The following CASP6 variants were observed in gnomAD, a reference collection of about 807,000 sequenced individuals.
CASP6 encodes caspase 6.
A neutral mutation model predicts 31.8 loss-of-function variants in CASP6; 20 were observed. That is an observed-to-expected ratio of 0.63 (90% confidence interval 0.44 to 0.91). CASP6 has a LOEUF of 0.91. CASP6 is among the 40% of genes least tolerant of loss of function. The pLI is 0.00. For synonymous variants in CASP6, 130 were observed against 127.8 expected (o/e 1.02, Z -0.12); for missense variants, 328 against 361.1 (o/e 0.91, Z 0.74).
chr4:109,684,040 G>A (rs1729775841), downstream of CASP6, among the ~76,000 whole-genome samples: 1 of 151,370 alleles, frequency 6.6e-6, no homozygotes. Context: ...ATGCAGATGT[G>A]CATTTGTTCA....
At chr4:109,706,001 A>AAT (rs58700813), upstream of CASP6, among the ~76,000 whole-genome samples, 1,516 of 31,566 alleles carry the variant, frequency 0.048, 43 homozygotes, top group South Asian at 0.073. Flanking sequence ...AAAAAAAAAA[A>AAT]ATATATATAT....
chr4:109,703,648 T>C, upstream of CASP6: 5 of 547,618 alleles, frequency 9.1e-6, no homozygotes, highest in East Asian at 1.6e-4. Context: ...TACGCGGTCT[T>C]CGCCTCCAGG....
the CASP6 span, among the ~76,000 whole-genome samples, chr4:109,681,658 C>G: frequency 6.6e-6 from 1 of 152,184 alleles, no homozygotes; most frequent in Admixed American, 6.5e-5. Flanking sequence ...TAGGACAAAC[C>G]CAGGCACTTA....
In CASP6 at chr4:109,703,333, C is replaced by G. The variant is rs187492847; in HGVS notation, c.40+23G>C. The G allele has an allele frequency of 3.7e-4, 593 of 1,602,794 alleles. 2 individuals are homozygous for G. The African/African-American group carries it at 7.1e-3, about 19-fold the overall frequency. On this transcript the variant is annotated intron_variant, in intron 1 of 6. Coordinates refer to ENST00000265164, the MANE Select transcript of CASP6 (RefSeq NM_001226.4). ...GAGCAAGACGCAGACCTGCTCGGTG[C>G]CCAGTCGACGCCCCCTGCCTACCTG... is the stretch of plus-strand genomic sequence containing the variant.
rs1489494610 is a variant in CASP6 at position 109,688,688 on chromosome 4, AC to A, written c.*641del. 3.3e-5 allele frequency: 5 copies of A among 152,134 alleles called. No individual in the cohort carries two copies. The highest frequency in any genetic ancestry group is 3.3e-4 in the Admixed American group (5 of 15,272). The allele number at this position is 152,134 out of a possible 1,614,324, so 9.4% of individuals were successfully genotyped here. On this transcript the variant is annotated 3_prime_UTR_variant, in exon 7 of 7. Coordinates refer to ENST00000265164, the MANE Select transcript of CASP6 (RefSeq NM_001226.4). ...TCCTGGATTTCAAAAACCTTTAAAAACATCAAACAATAAACTTTTATAAAAA... is the reference window on the plus strand; with the variant it reads ...TCCTGGATTTCAAAAACCTTTAAAAAATCAAACAATAAACTTTTATAAAAA...
chr4:109,700,185 TAA>T (rs1292693086), intron 1 of CASP6, among the ~76,000 whole-genome samples: 1 of 152,216 alleles, frequency 6.6e-6, no homozygotes. Flanking sequence ...CTTGGGTCTT[TAA>T]AACTCTTGTT....
the CASP6 span, among the ~76,000 whole-genome samples, chr4:109,677,635 G>A: frequency 2.0e-5 from 3 of 151,904 alleles, no homozygotes; most frequent in Non-Finnish European, 4.4e-5. Flanking sequence ...TCTTGGCAGT[G>A]GGTTCCTTAA....
At chr4:109,702,318 G>A (rs971948184) in intron 1 of CASP6, among the ~76,000 whole-genome samples, 1 of 151,546 alleles carries the variant, frequency 6.6e-6, no homozygotes, top group Non-Finnish European at 1.5e-5. Context: ...AACTGCAGGC[G>A]TTTCGTTCTT....
rs143149647 is a variant in CASP6 at position 109,693,616 on chromosome 4, C to T, written c.483+909G>A. 8.4e-3 allele frequency among the ~76,000 whole-genome samples: 1,197 copies of T among 142,502 alleles called. 13 individuals are homozygous for T. Among genetic ancestry groups the T allele is most frequent in the African/African-American group, 0.029 (1,090 of 37,664 alleles). 93.5% of individuals were successfully genotyped at this position (142,502 alleles called of 152,430 possible). On this transcript the variant is annotated intron_variant, in intron 5 of 6. Coordinates refer to ENST00000265164, the MANE Select transcript of CASP6 (RefSeq NM_001226.4). ...GTGGGAGAATAATTGAACCTGGGGG[C>T]GGAGGTTGCAGTGAGCCGAGATTGC...
At chr4:109,675,223 T>C in the CASP6 span, among the ~76,000 whole-genome samples, 1 of 152,276 alleles carries the variant, frequency 6.6e-6, no homozygotes, top group African/African-American at 2.4e-5. Flanking sequence ...CCCATGCTTC[T>C]GAAAGAGCAG....
At position 109,688,708 on chromosome 4, in the gene CASP6, A is replaced by G. The variant is rs961921437; in HGVS notation, c.*622T>C. The G allele has an allele frequency of 6.6e-6, 1 of 152,222 alleles. No homozygotes were observed. Among genetic ancestry groups the G allele is most frequent in the Non-Finnish European group, 1.5e-5 (1 of 68,030 alleles). 9.4% of individuals were successfully genotyped at this position (152,222 alleles called of 1,614,324 possible). ...TAAAAACATCAAACAATAAACTTTTATAAAAAAGTGACAAAATACAAGTTA... is the reference window on the plus strand; with the variant it reads ...TAAAAACATCAAACAATAAACTTTTGTAAAAAAGTGACAAAATACAAGTTA... On this transcript the variant is annotated 3_prime_UTR_variant, in exon 7 of 7. Transcript: ENST00000265164.
chr4:109,688,720 C>CTT lies in CASP6; in HGVS notation c.*609_*610insAA, dbSNP rs1252555811. The CTT allele has an allele frequency of 1.3e-5, 2 of 152,042 alleles. No homozygotes were observed. Among genetic ancestry groups the CTT allele is most frequent in the African/African-American group, 4.8e-5 (2 of 41,382 alleles). The allele number at this position is 152,042 out of a possible 1,614,324, so 9.4% of individuals were successfully genotyped here. On this transcript the variant is annotated 3_prime_UTR_variant, in exon 7 of 7. Transcript: ENST00000265164. ...ACAATAAACTTTTATAAAAAAGTGA[C>CTT]AAAATACAAGTTAAATCAGCTAGAT... is the stretch of plus-strand genomic sequence containing the variant.
downstream of CASP6, chr4:109,687,557 C>T: frequency 6.2e-7 from 1 of 1,612,080 alleles, no homozygotes. Context: ...TCTCTGTTTG[C>T]AAATGCAAGT....
intron 1 of CASP6, among the ~76,000 whole-genome samples, chr4:109,699,952 ATCC>A (rs1382045880): frequency 6.6e-6 from 1 of 152,180 alleles, no homozygotes; most frequent in Non-Finnish European, 1.5e-5. Context: ...TGTCACAACC[ATCC>A]TCCTCACATG....
the CASP6 span, chr4:109,673,900 C>G: frequency 1.3e-6 from 1 of 776,060 alleles, no homozygotes; most frequent in South Asian, 1.3e-5. Flanking sequence ...GGGATCCAAA[C>G]TTATTCGAAA....
At chr4:109,703,599 G>T (rs1473744758), upstream of CASP6, 2 of 623,082 alleles carry the variant, frequency 3.2e-6, no homozygotes, top group Admixed American at 3.2e-5. Context: ...CAGTCGCTCC[G>T]GAGCCCGCGG....
At position 109,688,638 on chromosome 4, in the gene CASP6, ATATTT is replaced by A. The variant is rs1365701610; in HGVS notation, c.*687_*691del. ...AAATGTAATAAAATATGAATTTCGAATATTTTATTAAGGGATGATTTAATTCCTGG... is the reference window on the plus strand; with the variant it reads ...AAATGTAATAAAATATGAATTTCGAATATTAAGGGATGATTTAATTCCTGG... On this transcript the variant is annotated 3_prime_UTR_variant, in exon 7 of 7. Coordinates refer to ENST00000265164, the MANE Select transcript of CASP6 (RefSeq NM_001226.4). 1 of 152,224 alleles carries A rather than the reference ATATTT, an allele frequency of 6.6e-6. No individual in the cohort carries two copies. Among genetic ancestry groups the A allele is most frequent in the Admixed American group, 6.5e-5 (1 of 15,286 alleles). 9.4% of individuals were successfully genotyped at this position (152,224 alleles called of 1,614,324 possible).
In CASP6 at chr4:109,690,940, A is replaced by G. The variant is rs769876725; in HGVS notation, c.553T>C (p.Leu185=). 41 of 1,613,700 alleles carry G rather than the reference A, an allele frequency of 2.5e-5. No individual in the cohort carries two copies. The highest frequency in any genetic ancestry group is 1.3e-4 in the Admixed American group (8 of 59,968). ...LDVVDNQTEK[L]DTNITEVDAA... is the part of the protein sequence containing the mutation. The stretch of plus-strand genomic sequence containing the variant: ...TCCACCTCAGTTATGTTGGTGTCCA[A>G]CTTCTCTGTCTGATTATCTACTACA... Residue 185 remains leucine (L), a synonymous_variant, in exon 6 of 7, where the codon TTG becomes CTG. Coordinates refer to ENST00000265164, the MANE Select transcript of CASP6 (RefSeq NM_001226.4).
rs985592581 is a variant in CASP6 at position 109,689,095 on chromosome 4, C to A, written c.*235G>T. 1 of 365,718 alleles carries A rather than the reference C, an allele frequency of 2.7e-6. No individual in the cohort carries two copies. The highest frequency in any genetic ancestry group is 3.9e-5 in the Admixed American group (1 of 25,716). 22.7% of individuals were successfully genotyped at this position (365,718 alleles called of 1,614,324 possible). On this transcript the variant is annotated 3_prime_UTR_variant, in exon 7 of 7. Coordinates refer to ENST00000265164, the MANE Select transcript of CASP6 (RefSeq NM_001226.4). Reference sequence around the variant, plus strand: ...GGTTCAAGTGATTCTCCTGCCTCAGCCTTCCAAGTAGCTGGGATTGCAGGC... The same window carrying A: ...GGTTCAAGTGATTCTCCTGCCTCAGACTTCCAAGTAGCTGGGATTGCAGGC...
Sources: allele counts gnomAD v4.1 joint callset (sites outside exome capture counted in the v4.1 genomes callset), GRCh38; gene constraint gnomAD v4.1.1; transcripts MANE v1.5; gene names NCBI Gene and HGNC (gene_info 2026-07-23, HGNC 2026-07-21).